Variants in DOCK5 observed in about 807,000 individuals in gnomAD.
The protein encoded by DOCK5 is dedicator of cytokinesis 5, also known as dedicator of cytokinesis protein 5.
DOCK5 carries 142 observed loss-of-function variants against 251.8 expected under a neutral mutation model. The observed-to-expected ratio is 0.56, with a 90% CI of 0.49 to 0.65. DOCK5 has a LOEUF of 0.65. Among genes scored for constraint, DOCK5 ranks in the 30% least tolerant of loss-of-function variants. The pLI is 0.00. For missense variants in DOCK5, 2,111 were observed against 2,312.3 expected, an observed-to-expected ratio of 0.91 and a Z score of 1.79; for synonymous variants, 842 against 835.5, an observed-to-expected ratio of 1.01 and a Z score of -0.13.
chr8:25,236,305 G>A (rs1323179059), intron 1 of DOCK5, among the ~76,000 whole-genome samples: 5 of 152,156 alleles, frequency 3.3e-5, no homozygotes, highest in African/African-American at 9.7e-5. Context: ...TCTCATTGTA[G>A]AAAGACTGAT....
rs768684826 is a variant in DOCK5 at position 25,260,242 on chromosome 8, C to A, written c.128-8603C>A. Among the ~76,000 whole-genome samples the A allele has an allele frequency of 3.5e-4, 54 of 152,160 alleles. 1 individual carries two copies. The highest frequency in any genetic ancestry group is 4.0e-4 in the Non-Finnish European group (27 of 68,032). ...CTTACCTGGCCCACAGGGGATGGAG[C>A]CTTTGCCCTTGGCCTCATTTACTGT... On this transcript the variant is annotated intron_variant, in intron 2 of 51. Coordinates refer to ENST00000276440, the MANE Select transcript of DOCK5 (RefSeq NM_024940.8).
intron 26 of DOCK5, among the ~76,000 whole-genome samples, chr8:25,348,288 A>C (rs551322566): frequency 5.9e-5 from 9 of 152,322 alleles, no homozygotes; most frequent in Non-Finnish European, 1.2e-4. Flanking sequence ...GTCCAGCTGC[A>C]GTAAGCACCT....
chr8:25,357,744 G>A (rs1052315039), intron 27 of DOCK5, among the ~76,000 whole-genome samples: 40 of 152,064 alleles, frequency 2.6e-4, no homozygotes, highest in Non-Finnish European at 5.9e-5. Context: ...GATAGACATG[G>A]ACAGTCTTTC....
intron 6 of DOCK5, among the ~76,000 whole-genome samples, chr8:25,293,891 C>G (rs1441022510): frequency 1.3e-5 from 2 of 152,170 alleles, no homozygotes; most frequent in African/African-American, 4.8e-5. Flanking sequence ...GTAATCCCAG[C>G]TACTTGGGAG....
intron 16 of DOCK5, among the ~76,000 whole-genome samples, 162 bp from the exon 17 acceptor site, chr8:25,323,686 G>A (rs946103503): frequency 3.3e-5 from 5 of 152,314 alleles, no homozygotes; most frequent in African/African-American, 1.2e-4. Flanking sequence ...GTGCCAGGCA[G>A]TTTCAGTGGC....
At chr8:25,245,475 AT>A (rs1227344715) in intron 2 of DOCK5, among the ~76,000 whole-genome samples, 1 of 150,752 alleles carries the variant, frequency 6.6e-6, no homozygotes, top group African/African-American at 2.4e-5. Flanking sequence ...CATAAGTTCA[AT>A]TTTTCTAACT....
At chr8:25,283,215 GTC>G (rs1241808261) in intron 5 of DOCK5, among the ~76,000 whole-genome samples, 1 of 152,168 alleles carries the variant, frequency 6.6e-6, no homozygotes, top group Admixed American at 6.5e-5. Context: ...TCCCCCCGTG[GTC>G]TCTCTGTTCC....
At position 25,345,495 on chromosome 8, in the gene DOCK5, C is replaced by T. The variant is rs148691535; in HGVS notation, c.2638C>T (p.Pro880Ser). 11 of 1,613,702 alleles carry T rather than the reference C, an allele frequency of 6.8e-6. No individual in the cohort carries two copies. The African/African-American group carries it at 1.5e-4, about 22-fold the overall frequency. Residue 880 changes from proline (P) to serine (S), a missense_variant, in exon 26 of 52, where the codon CCA (proline) becomes TCA (serine). Physicochemically the swap from Pro to Ser is moderately conservative, Grantham distance 74. This residue lies in a region of DOCK5 where 1,717 missense variants were observed against 1,892.4 expected (regional missense o/e 0.91). Transcript: ENST00000276440. ...CTCAGAGTGCAGAGAAGTGCTGCTGCCACTGCTGACAGACCAGCTCAGCGG... is the reference window on the plus strand; with the variant it reads ...CTCAGAGTGCAGAGAAGTGCTGCTGTCACTGCTGACAGACCAGCTCAGCGG... The part of the protein sequence containing the change: ...RQSECREVLL[P>S]LLTDQLSGQL...
intron 1 of DOCK5, among the ~76,000 whole-genome samples, chr8:25,221,323 T>G (rs986142095): frequency 1.3e-5 from 2 of 152,176 alleles, no homozygotes; most frequent in African/African-American, 4.8e-5. Flanking sequence ...GTTTGTTTGT[T>G]TTTTGAGATG....
intron 45 of DOCK5, among the ~76,000 whole-genome samples, chr8:25,398,049 C>T (rs564985554): frequency 6.6e-6 from 1 of 152,248 alleles, no homozygotes; most frequent in South Asian, 2.1e-4. Flanking sequence ...TCTAATCCAG[C>T]TCTTTATTCA....
chr8:25,191,732 T>C (rs1801585482), intron 1 of DOCK5, among the ~76,000 whole-genome samples: 1 of 151,698 alleles, frequency 6.6e-6, no homozygotes, highest in African/African-American at 2.4e-5. Flanking sequence ...CATGGCCATA[T>C]AATCTCACTC....
At chr8:25,311,498 G>A (rs565151210) in intron 13 of DOCK5, among the ~76,000 whole-genome samples, 4 of 147,116 alleles carry the variant, frequency 2.7e-5, no homozygotes, top group African/African-American at 7.6e-5. Flanking sequence ...GGCCGAGATC[G>A]CACCACTGCA....
At chr8:25,246,662 C>G (rs192915946) in intron 2 of DOCK5, among the ~76,000 whole-genome samples, 41 of 145,656 alleles carry the variant, frequency 2.8e-4, no homozygotes, top group African/African-American at 1.1e-3. Flanking sequence ...GTTTTGGTCT[C>G]TTTCAGATTT....
chr8:25,374,649 C>T lies in DOCK5; in HGVS notation c.3811C>T (p.Leu1271=), dbSNP rs141398609. 5,992 of 1,613,906 alleles carry T rather than the reference C, an allele frequency of 3.7e-3. 10 individuals are homozygous for T. Among genetic ancestry groups the T allele is most frequent in the Non-Finnish European group, 4.7e-3 (5,596 of 1,179,858 alleles). ...AYTLLLHAEL[L]QWSDKPCVPH... Reference sequence around the variant, plus strand: ...CACGCTTCTCTTGCACGCTGAGCTTCTGCAGGTGAATGGCTCAGAGAGCTT... The same window carrying T: ...CACGCTTCTCTTGCACGCTGAGCTTTTGCAGGTGAATGGCTCAGAGAGCTT... Residue 1271 remains leucine (L), a synonymous_variant, in exon 37 of 52, where the codon CTG becomes TTG. Coordinates refer to ENST00000276440, the MANE Select transcript of DOCK5 (RefSeq NM_024940.8).
At chr8:25,290,317 A>G (rs1326458507) in intron 5 of DOCK5, among the ~76,000 whole-genome samples, 1 of 152,224 alleles carries the variant, frequency 6.6e-6, no homozygotes, top group Non-Finnish European at 1.5e-5. Flanking sequence ...ATGAGCTAAA[A>G]AACAAAAATT....
At chr8:25,220,849 C>T (rs956187783) in intron 1 of DOCK5, among the ~76,000 whole-genome samples, 1 of 152,106 alleles carries the variant, frequency 6.6e-6, no homozygotes, top group Admixed American at 6.6e-5. Context: ...GGTGATCCGC[C>T]CACCTTGGCC....
chr8:25,190,775 G>GTTTTTTTTTTTTTTTCTTTTTTT (rs755511798), intron 1 of DOCK5, among the ~76,000 whole-genome samples: 1 of 53,980 alleles, frequency 1.9e-5, no homozygotes, highest in Non-Finnish European at 3.3e-5. Flanking sequence ...CTTGGTCATG[G>GTTTTTTTTTTTTTTTCTTTTTTT]GTTTTTTTTT....
rs925875827 is a variant in DOCK5, at chr8:25,373,521, T to G, written c.3685-97T>G. The stretch of plus-strand genomic sequence containing the variant: ...GGAAACAGTGATCTCTTTGGAAAAG[T>G]GAAACTTTTGAAAAGCAACAATAGT... On this transcript the variant is annotated intron_variant, in intron 35 of 51. Transcript: ENST00000276440. 13 of 1,170,514 alleles carry G rather than the reference T, an allele frequency of 1.1e-5. No individual in the cohort carries two copies. The African/African-American group carries it at 1.4e-4, about 13-fold the overall frequency. 72.5% of individuals were successfully genotyped at this position (1,170,514 alleles called of 1,614,324 possible).
chr8:25,298,804 A>G (rs1804682638), intron 7 of DOCK5, 140 bp from the exon 8 acceptor site: 1 of 944,136 alleles, frequency 1.1e-6, no homozygotes, highest in Admixed American at 3.2e-5. Context: ...GGCCTCTAGT[A>G]GCACTGGGAT....
Sources: allele counts gnomAD v4.1 joint callset (sites outside exome capture counted in the v4.1 genomes callset), GRCh38; gene constraint gnomAD v4.1.1; regional missense constraint gnomAD v4.1.1; transcripts MANE v1.5; gene names NCBI Gene and HGNC (gene_info 2026-07-23, HGNC 2026-07-21).